The following HEPH variants were observed in gnomAD, a reference collection of about 807,000 sequenced individuals.
HEPH encodes the protein hephaestin.
A neutral mutation model predicts 80.8 loss-of-function variants in HEPH; 69 were observed. The observed-to-expected ratio is 0.85, with a 90% CI of 0.70 to 1.04. The LOEUF is 1.04. HEPH is among the 50% of genes least tolerant of loss of function. The pLI, the probability that HEPH is intolerant of heterozygous loss-of-function variation, is 0.00. For missense variants in HEPH, 1,115 were observed against 891.3 expected (o/e 1.25, Z -3.20); for synonymous variants, 431 against 322.8 (o/e 1.34, Z -3.60).
intron 15 of HEPH, among the ~76,000 whole-genome samples, chrX:66,253,843 A>T (rs1039800405): frequency 8.9e-6 from 1 of 111,735 alleles, no homozygotes; most frequent in Non-Finnish European, 1.9e-5. Context: ...TCACAAAATA[A>T]AATGTATGAT....
chrX:66,205,471 C>A (rs1401517334), intron 13 of HEPH, among the ~76,000 whole-genome samples: 3 of 111,912 alleles, frequency 2.7e-5, no homozygotes, highest in Non-Finnish European at 5.6e-5. Context: ...TTGTACATAC[C>A]ACATTTTCTT....
intron 15 of HEPH, among the ~76,000 whole-genome samples, chrX:66,208,631 CATATATAT>C (rs56924616): frequency 0.044 from 1,548 of 35,044 alleles, 39 homozygotes; most frequent in Non-Finnish European, 0.062. Context: ...TATATACATA[CATATATAT>C]ATATATATAT....
intron 15 of HEPH, among the ~76,000 whole-genome samples, chrX:66,240,492 A>C (rs904061088): frequency 2.3e-4 from 24 of 103,786 alleles, no homozygotes; most frequent in Admixed American, 1.0e-4. Context: ...GACTCAAAAA[A>C]CTCAAAGCAC....
intron 15 of HEPH, among the ~76,000 whole-genome samples, chrX:66,243,071 T>C (rs773894996): frequency 4.5e-5 from 5 of 111,845 alleles, no homozygotes; most frequent in African/African-American, 1.6e-4. Flanking sequence ...TGCATATTCA[T>C]CACAGCACTT....
intron 15 of HEPH, among the ~76,000 whole-genome samples, chrX:66,246,962 A>T (rs1033714446): frequency 8.9e-6 from 1 of 112,230 alleles, no homozygotes; most frequent in Middle Eastern, 4.6e-3. Context: ...TTTATTGACG[A>T]GTATTTTTTT....
chrX:66,215,883 A>G (rs776073327), intron 15 of HEPH, among the ~76,000 whole-genome samples: 1 of 112,042 alleles, frequency 8.9e-6, no homozygotes, highest in Non-Finnish European at 1.9e-5. Context: ...AAATAAACTC[A>G]GTGCTGTTGG....
At chrX:66,246,170 TGTC>T (rs988119872) in intron 15 of HEPH, among the ~76,000 whole-genome samples, 2 of 112,020 alleles carry the variant, frequency 1.8e-5, no homozygotes, top group African/African-American at 6.5e-5. Context: ...ATTGCCCTGT[TGTC>T]TGGGTGTTTC....
At chrX:66,186,074 C>A (rs1305842132) in intron 4 of HEPH, among the ~76,000 whole-genome samples, 6 of 27,802 alleles carry the variant, frequency 2.2e-4, no homozygotes, top group Non-Finnish European at 3.8e-4. Flanking sequence ...AGATCTCCAG[C>A]TGCGTGCTGG....
rs754559782 is a variant in HEPH, at chrX:66,234,723, G to A, written c.2564-20312G>A. ...ATAATCTCAGCTCACTGCAACCTCC[G>A]CCTCCTGGGTTCAAGCAATTCTCAT... On this transcript the variant is annotated intron_variant, in intron 15 of 20. Transcript: ENST00000343002. Among the ~76,000 whole-genome samples, 5 of 110,115 alleles carry A rather than the reference G, an allele frequency of 4.5e-5. No homozygotes were observed. In the South Asian group the frequency reaches 1.2e-3, roughly 26 times the overall value.
chrX:66,241,563 T>C (rs1456368490), intron 15 of HEPH, among the ~76,000 whole-genome samples: 1 of 111,463 alleles, frequency 9.0e-6, no homozygotes, highest in Non-Finnish European at 1.9e-5. Flanking sequence ...GACATAACTA[T>C]CCTAAACATA....
intron 15 of HEPH, among the ~76,000 whole-genome samples, chrX:66,209,540 G>A (rs1273726363): frequency 8.9e-6 from 1 of 112,291 alleles, no homozygotes; most frequent in African/African-American, 3.2e-5. Context: ...CAGGGAAAAG[G>A]AAGTTCCAGA....
intron 15 of HEPH, among the ~76,000 whole-genome samples, chrX:66,237,212 G>A (rs1242922328): frequency 9.2e-6 from 1 of 108,485 alleles, no homozygotes; most frequent in Non-Finnish European, 1.9e-5. Context: ...TAGTTGTGAT[G>A]TTAGGTTGTT....
intron 15 of HEPH, among the ~76,000 whole-genome samples, chrX:66,208,868 T>C (rs1322763609): frequency 9.3e-6 from 1 of 107,525 alleles, no homozygotes; most frequent in East Asian, 2.9e-4. Context: ...TGATGTGACC[T>C]AGGCCACAAG....
At chrX:66,216,617 A>G (rs1006390238) in intron 15 of HEPH, among the ~76,000 whole-genome samples, 6 of 111,967 alleles carry the variant, frequency 5.4e-5, no homozygotes, top group African/African-American at 2.0e-4. Flanking sequence ...TACCCAAATA[A>G]GAAGGAATTG....
chrX:66,208,318 T>TA (rs1382446316), intron 15 of HEPH, 72 bp downstream of exon 15: 2 of 1,022,647 alleles, frequency 2.0e-6, no homozygotes, highest in Non-Finnish European at 2.7e-6. Context: ...GATTTTTCCT[T>TA]AAAAAATTAA....
intron 13 of HEPH, among the ~76,000 whole-genome samples, chrX:66,204,400 C>A (rs2088648394): frequency 8.9e-6 from 1 of 112,383 alleles, no homozygotes; most frequent in Admixed American, 9.4e-5. Context: ...GCTGTCACTA[C>A]ACTTTAGCAA....
chrX:66,248,194 C>T (rs1294533436), intron 15 of HEPH, among the ~76,000 whole-genome samples: 1 of 111,603 alleles, frequency 9.0e-6, no homozygotes, highest in Non-Finnish European at 1.9e-5. Flanking sequence ...CCACCTCATT[C>T]CTGGTTTCAC....
At chrX:66,175,055 C>A (rs1209705905) in intron 4 of HEPH, among the ~76,000 whole-genome samples, 1 of 111,424 alleles carries the variant, frequency 9.0e-6, no homozygotes, top group Admixed American at 9.6e-5. Context: ...ATTGCATTTG[C>A]CTTTGGGTTC....
chrX:66,256,028 G>C lies in HEPH; in HGVS notation c.2671-77G>C, dbSNP rs898262863. 17 of 717,971 alleles carry C rather than the reference G, an allele frequency of 2.4e-5. No individual in the cohort carries two copies. The African/African-American group carries it at 3.4e-4, about 15-fold the overall frequency. 59.2% of individuals were successfully genotyped at this position (717,971 alleles called of 1,213,427 possible). On this transcript the variant is annotated intron_variant, in intron 16 of 20. Coordinates refer to ENST00000343002, the MANE Select transcript of HEPH (RefSeq NM_001367233.3). ...GAGGCACAGTGGGCTTGTATGAGAA[G>C]CTGGCTCCCTGCGGAGTACTGCTAC...
Sources: allele counts gnomAD v4.1 joint callset (sites outside exome capture counted in the v4.1 genomes callset), GRCh38; gene constraint gnomAD v4.1.1; transcripts MANE v1.5; gene names NCBI Gene and HGNC (gene_info 2026-07-23, HGNC 2026-07-21).